The following WNT9B variants were observed in gnomAD, a reference collection of about 807,000 sequenced individuals.
The protein encoded by WNT9B is Wnt family member 9B.
In WNT9B, 12 loss-of-function variants were observed where a neutral mutation model predicts 30.2. The ratio of observed to expected loss-of-function variants is 0.40; its 90% CI spans 0.26 to 0.64. The LOEUF (loss-of-function observed/expected upper bound fraction) is 0.64, where lower values mean the gene tolerates loss of function less well. Ranked by LOEUF, WNT9B falls within the 30% of genes least tolerant of loss-of-function variation. WNT9B has a pLI of 0.42. For synonymous variants in WNT9B, 218 were observed against 216.9 expected (o/e 1.01, Z -0.05); for missense variants, 442 against 485.2 (o/e 0.91, Z 0.84).
At chr17:46,846,838 T>A (rs918347989), upstream of WNT9B, among the ~76,000 whole-genome samples, 21 of 152,160 alleles carry the variant, frequency 1.4e-4, no homozygotes, top group African/African-American at 5.1e-4. Flanking sequence ...GGAAGTGCCA[T>A]GGGGAGTGGT....
chr17:46,874,504 G>C (rs2085310110), intron 2 of WNT9B, among the ~76,000 whole-genome samples: 1 of 152,180 alleles, frequency 6.6e-6, no homozygotes, highest in South Asian at 2.1e-4. Context: ...GTAGCCCCTG[G>C]CCTGCTGCCC....
chr17:46,867,687 C>T (rs1170574455), intron 1 of WNT9B, among the ~76,000 whole-genome samples: 1 of 152,146 alleles, frequency 6.6e-6, no homozygotes, highest in East Asian at 1.9e-4. Flanking sequence ...GCTTTAGCCA[C>T]AATTGTGGGT....
intron 1 of WNT9B, among the ~76,000 whole-genome samples, chr17:46,836,232 C>T (rs1408243566): frequency 6.6e-6 from 1 of 151,720 alleles, no homozygotes; most frequent in Admixed American, 6.6e-5. Context: ...AAGGAAGCAG[C>T]CAAAAGAGTG....
chr17:46,874,862 G>A, intron 2 of WNT9B: 1 of 645,556 alleles, frequency 1.5e-6, no homozygotes, highest in South Asian at 1.8e-5. Context: ...AGGGGCACGA[G>A]CCACTGTGCC....
At position 46,877,004 on chromosome 17, in the gene WNT9B, G is replaced by A. The variant is rs2085357422; in HGVS notation, c.*286G>A. ...GAGAAAGACATGGAGGGAAATAAGG[G>A]AGACCAAGAGCACAGCAGGACTGAA... On this transcript the variant is annotated 3_prime_UTR_variant, in exon 4 of 4. Coordinates refer to ENST00000290015, the MANE Select transcript of WNT9B (RefSeq NM_003396.3). 1.6e-6 allele frequency: 2 copies of A among 1,246,392 alleles called. No individual in the cohort carries two copies. Among genetic ancestry groups the A allele is most frequent in the Non-Finnish European group, 2.0e-6 (2 of 995,512 alleles). The allele number at this position is 1,246,392 out of a possible 1,614,324, so 77.2% of individuals were successfully genotyped here.
At chr17:46,839,475 G>A (rs1238701075) in intron 1 of WNT9B, among the ~76,000 whole-genome samples, 2 of 152,208 alleles carry the variant, frequency 1.3e-5, no homozygotes, top group African/African-American at 2.4e-5. Flanking sequence ...GTGGCACAAC[G>A]CAGGCGTCAA....
At chr17:46,860,065 C>A (rs2085009705) in intron 1 of WNT9B, among the ~76,000 whole-genome samples, 1 of 152,144 alleles carries the variant, frequency 6.6e-6, no homozygotes, top group South Asian at 2.1e-4. Context: ...GGGTGGTGGA[C>A]TGAAAGCCAA....
At chr17:46,845,449 A>G (rs2084764656) in intron 1 of WNT9B, among the ~76,000 whole-genome samples, 1 of 149,858 alleles carries the variant, frequency 6.7e-6, no homozygotes, top group Non-Finnish European at 1.5e-5. Context: ...GACATACATG[A>G]GTCGACTTAC....
At chr17:46,868,447 A>C (rs9911622) in intron 1 of WNT9B, among the ~76,000 whole-genome samples, 40,763 of 151,484 alleles carry the variant, frequency 0.27, 6,055 homozygotes, top group African/African-American at 0.41. Flanking sequence ...CACAAAAAAA[A>C]TAGCTGGGCG....
At chr17:46,864,080 T>C (rs543737441) in intron 1 of WNT9B, among the ~76,000 whole-genome samples, 92 of 152,340 alleles carry the variant, frequency 6.0e-4, no homozygotes, top group African/African-American at 2.1e-3. Context: ...CCCAGAGGCC[T>C]GGCCCTTCCA....
At chr17:46,873,448 T>A (rs945307183) in intron 2 of WNT9B, among the ~76,000 whole-genome samples, 5 of 152,084 alleles carry the variant, frequency 3.3e-5, no homozygotes, top group Non-Finnish European at 7.4e-5. Context: ...GTGACTCCCT[T>A]GCCAAGGGGA....
chr17:46,846,159 G>A (rs1197776200), intron 1 of WNT9B, among the ~76,000 whole-genome samples: 1 of 152,152 alleles, frequency 6.6e-6, no homozygotes. Flanking sequence ...AGACAGAACT[G>A]GACTGCTCAA....
At chr17:46,840,012 TTTCTTTC>T (rs2084691384) in intron 1 of WNT9B, among the ~76,000 whole-genome samples, 1 of 96,674 alleles carries the variant, frequency 1.0e-5, no homozygotes, top group South Asian at 5.3e-4. Context: ...TCTTTCTTTC[TTTCTTTC>T]TTTCTTTCTT....
In WNT9B at chr17:46,880,171, C is replaced by T. The variant is rs146697945; in HGVS notation, c.*3453C>T. ...AGTGCCCCCGTTGCTCATGGATGCC[C>T]CTGCCTGCCTCTCATGAGCACATAG... On this transcript the variant is annotated 3_prime_UTR_variant, in exon 4 of 4. Transcript: ENST00000290015. 4.6e-5 allele frequency among the ~76,000 whole-genome samples: 7 copies of T among 152,312 alleles called. No homozygotes were observed. Among genetic ancestry groups the T allele is most frequent in the African/African-American group, 1.7e-4 (7 of 41,580 alleles).
rs61138160 is a variant in WNT9B, at chr17:46,852,389, A to AGTGTGTGTGT, written c.77+717_77+726dup. Among the ~76,000 whole-genome samples the AGTGTGTGTGT allele has an allele frequency of 1.2e-3, 128 of 105,368 alleles. 2 individuals are homozygous for AGTGTGTGTGT. Among genetic ancestry groups the AGTGTGTGTGT allele is most frequent in the African/African-American group, 2.4e-3 (64 of 26,814 alleles). 69.1% of individuals were successfully genotyped at this position (105,368 alleles called of 152,430 possible). A position where few individuals can be genotyped will look rare whatever the true frequency, so the allele number is the denominator to read the frequency against. On this transcript the variant is annotated intron_variant, in intron 1 of 3. Transcript: ENST00000290015. ...AACACTGGAAAGAGTGAGAGGGCCCAGTGTGTGTGTGTGTGTGTGTGTGTG... is the reference window on the plus strand; with the variant it reads ...AACACTGGAAAGAGTGAGAGGGCCCAGTGTGTGTGTGTGTGTGTGTGTGTGTGTGTGTGTG...
At chr17:46,865,634 G>A (rs2085120767) in intron 1 of WNT9B, among the ~76,000 whole-genome samples, 2 of 152,106 alleles carry the variant, frequency 1.3e-5, no homozygotes, top group African/African-American at 2.4e-5. Context: ...TTTGGTGTGT[G>A]TGACAGGGTC....
rs188189174 is a variant in WNT9B at position 46,859,853 on chromosome 17, T to G, written c.77+8138T>G. Reference sequence around the variant, plus strand: ...GCCATATCTTTCTATTTAGAGCTTTTGTAATTTCTCTCAGCAGTGTTTTCT... The same window carrying G: ...GCCATATCTTTCTATTTAGAGCTTTGGTAATTTCTCTCAGCAGTGTTTTCT... On this transcript the variant is annotated intron_variant, in intron 1 of 3. Transcript: ENST00000290015. Among the ~76,000 whole-genome samples the G allele has an allele frequency of 8.5e-4, 130 of 152,362 alleles. 3 individuals carry two copies. The East Asian group carries it at 0.022, about 26-fold the overall frequency.
chr17:46,841,789 T>G (rs987280591), intron 1 of WNT9B, among the ~76,000 whole-genome samples: 8 of 152,234 alleles, frequency 5.3e-5, no homozygotes, highest in African/African-American at 9.6e-5. Context: ...TGCATCCAGC[T>G]GAGAGACCTT....
chr17:46,854,626 A>AT (rs2084909392), intron 1 of WNT9B, among the ~76,000 whole-genome samples: 1 of 143,560 alleles, frequency 7.0e-6, no homozygotes, highest in Non-Finnish European at 1.5e-5. Flanking sequence ...GTTAATGGTG[A>AT]TAAAAAAAAA....
Sources: gnomAD v4.1 joint callset for allele counts (sites outside exome capture counted in the v4.1 genomes callset) on GRCh38, gnomAD v4.1.1 for gene constraint, MANE v1.5 for transcripts, NCBI Gene and HGNC (gene_info 2026-07-23, HGNC 2026-07-21) for gene names.